The following TAFA5 variants were observed in gnomAD, a reference collection of about 807,000 sequenced individuals.
The protein encoded by TAFA5 is chemokine-like protein TAFA-5.
Under a neutral mutation model 15.3 loss-of-function variants are expected in TAFA5, and 6 were observed. The ratio of observed to expected loss-of-function variants is 0.39; its 90% CI spans 0.21 to 0.77. The LOEUF (loss-of-function observed/expected upper bound fraction) is 0.77, where lower values mean the gene tolerates loss of function less well. TAFA5 is among the 30% of genes least tolerant of loss of function. TAFA5 has a pLI of 0.41. For missense variants in TAFA5, 161 were observed against 193.1 expected (o/e 0.83, Z 0.98); for synonymous variants, 103 against 80.7 (o/e 1.28, Z -1.48).
At chr22:48,732,273 G>T (rs986778074) in intron 3 of TAFA5, among the ~76,000 whole-genome samples, 7 of 100,402 alleles carry the variant, frequency 7.0e-5, no homozygotes, top group Admixed American at 2.1e-4. Flanking sequence ...TTTCTGAGAC[G>T]GAGTCTTGCT....
At chr22:48,557,369 G>A (rs575975205) in intron 1 of TAFA5, among the ~76,000 whole-genome samples, 9 of 152,284 alleles carry the variant, frequency 5.9e-5, no homozygotes, top group African/African-American at 9.6e-5. Flanking sequence ...TGAGGAGGGC[G>A]GCGCCGGGAG....
rs537359563 is a variant in TAFA5, at chr22:48,618,072, C to T, written c.113-28525C>T. ...TGTGGCGCCAGGCTCTGTGTGGACA[C>T]GGAGGTTAACAGCAGGAAGCACTGG... is the stretch of plus-strand genomic sequence containing the variant. On this transcript the variant is annotated intron_variant, in intron 1 of 3. Transcript: ENST00000402357. Among the ~76,000 whole-genome samples the T allele has an allele frequency of 3.9e-5, 6 of 152,302 alleles. No homozygotes were observed. In the South Asian group the frequency reaches 8.3e-4, roughly 21 times the overall value.
At chr22:48,718,479 C>G (rs1929471965) in intron 3 of TAFA5, among the ~76,000 whole-genome samples, 1 of 152,114 alleles carries the variant, frequency 6.6e-6, no homozygotes, top group South Asian at 2.1e-4. Flanking sequence ...AGGACATGGG[C>G]CTGGCAGACC....
intron 2 of TAFA5, among the ~76,000 whole-genome samples, chr22:48,678,925 TCCCC>T (rs1928068756): frequency 6.6e-6 from 1 of 151,848 alleles, no homozygotes; most frequent in Non-Finnish European, 1.5e-5. Context: ...GCTCCCCAGC[TCCCC>T]GTCCATCCGT....
Position 48,490,778 on chromosome 22 carries a change from C to CACAAA in TAFA5, c.112+1075_112+1076insCAAAA, listed in dbSNP as rs1555921881. On this transcript the variant is annotated intron_variant, in intron 1 of 3. Coordinates refer to ENST00000402357, the MANE Select transcript of TAFA5 (RefSeq NM_001082967.3). The surrounding 1 kb of genome is among the most constrained non-coding windows in gnomAD (Gnocchi z 5.8). ...GTGATGGAAAAATATGGATTCTTTA[C>CACAAA]AAAAAAAAAAAAAAAAGGCCAGCAC... Among the ~76,000 whole-genome samples the CACAAA allele has an allele frequency of 1.4e-4, 12 of 83,506 alleles. No individual in the cohort carries two copies. The East Asian group carries it at 4.3e-3, about 30-fold the overall frequency. The allele number at this position is 83,506 out of a possible 152,430, so 54.8% of individuals were successfully genotyped here.
rs1291710449 is a variant in TAFA5, at chr22:48,709,937, GT to G, written c.390+2098del. On this transcript the variant is annotated intron_variant, in intron 3 of 3. Transcript: ENST00000402357. ...AGGCTGCTGGCATCATCACATTTTG[GT>G]TTTTGGTAATTTATTGGGCTGAAAT... Among the ~76,000 whole-genome samples the G allele has an allele frequency of 3.9e-5, 6 of 152,334 alleles. No individual in the cohort carries two copies. In the East Asian group the frequency reaches 1.2e-3, roughly 29 times the overall value.
intron 2 of TAFA5, among the ~76,000 whole-genome samples, chr22:48,697,672 G>A (rs1261635904): frequency 6.6e-6 from 1 of 151,318 alleles, no homozygotes; most frequent in African/African-American, 2.4e-5. Context: ...TAGTGCTAAT[G>A]GTGATAATGT....
intron 3 of TAFA5, among the ~76,000 whole-genome samples, chr22:48,749,612 C>T (rs1364296643): frequency 1.3e-5 from 2 of 152,162 alleles, no homozygotes; most frequent in Non-Finnish European, 2.9e-5. Flanking sequence ...CCCTCCAGGT[C>T]GTGCACAGAG....
At chr22:48,693,154 C>A in intron 2 of TAFA5, 1 of 794,318 alleles carries the variant, frequency 1.3e-6, no homozygotes, top group Non-Finnish European at 2.0e-6. Flanking sequence ...CGAGTCGAAG[C>A]CTCTGCTGGA....
chr22:48,585,682 CAT>C (rs913165508), intron 1 of TAFA5, among the ~76,000 whole-genome samples: 1 of 151,594 alleles, frequency 6.6e-6, no homozygotes, highest in Non-Finnish European at 1.5e-5. Context: ...ACACCACAAA[CAT>C]ACACAACGTA....
At chr22:48,684,086 G>A (rs1338594348) in intron 2 of TAFA5, among the ~76,000 whole-genome samples, 1 of 152,146 alleles carries the variant, frequency 6.6e-6, no homozygotes, top group African/African-American at 2.4e-5. Flanking sequence ...TCAGTTTTAT[G>A]ATTTTCCCAA....
intron 3 of TAFA5, among the ~76,000 whole-genome samples, chr22:48,746,897 C>T (rs1046244393): frequency 6.0e-4 from 92 of 152,302 alleles, no homozygotes; most frequent in South Asian, 2.1e-4. Flanking sequence ...CATCCTCAGG[C>T]AGCTCACCAG....
intron 1 of TAFA5, among the ~76,000 whole-genome samples, chr22:48,492,895 A>T (rs74995468): frequency 0.039 from 5,971 of 152,254 alleles, 198 homozygotes; most frequent in African/African-American, 0.091. Context: ...AAGAGTTGAT[A>T]TAGGTTGTTT....
At chr22:48,581,930 A>G (rs549778401) in intron 1 of TAFA5, among the ~76,000 whole-genome samples, 65 of 152,236 alleles carry the variant, frequency 4.3e-4, no homozygotes, top group African/African-American at 1.5e-3. Flanking sequence ...CTGCACTGCG[A>G]TCTGAGCAGA....
chr22:48,721,653 T>C (rs1929572783), intron 3 of TAFA5, among the ~76,000 whole-genome samples: 1 of 152,238 alleles, frequency 6.6e-6, no homozygotes. Flanking sequence ...GATGAACTTA[T>C]TCCTTCCTGA....
intron 2 of TAFA5, among the ~76,000 whole-genome samples, chr22:48,677,413 A>G (rs1332703946): frequency 6.6e-6 from 1 of 152,190 alleles, no homozygotes; most frequent in African/African-American, 2.4e-5. Context: ...GGGCCACGCG[A>G]TTGCAGAAGG....
In TAFA5 at chr22:48,515,659, T is replaced by G. The variant is rs368347756; in HGVS notation, c.112+25955T>G. Among the ~76,000 whole-genome samples, 231 of 152,256 alleles carry G rather than the reference T, an allele frequency of 1.5e-3. 2 individuals carry two copies. The highest frequency in any genetic ancestry group is 5.4e-3 in the African/African-American group (224 of 41,558). On this transcript the variant is annotated intron_variant, in intron 1 of 3. Transcript: ENST00000402357. Reference sequence around the variant, plus strand: ...TCCAAGGGCACCCCTGAGGCCTCATTGCACCCGGCCCTGCTGCATCCAATG... The same window carrying G: ...TCCAAGGGCACCCCTGAGGCCTCATGGCACCCGGCCCTGCTGCATCCAATG...
intron 1 of TAFA5, among the ~76,000 whole-genome samples, chr22:48,642,334 C>T (rs1310415097): frequency 6.6e-6 from 1 of 152,172 alleles, no homozygotes; most frequent in African/African-American, 2.4e-5. Context: ...CGGGTCTACC[C>T]TGTACCTCCA....
At chr22:48,510,434 G>T (rs1259710026) in intron 1 of TAFA5, among the ~76,000 whole-genome samples, 1 of 152,230 alleles carries the variant, frequency 6.6e-6, no homozygotes, top group Non-Finnish European at 1.5e-5. Context: ...GTTCACCATG[G>T]CTCTTTGGTT....
Sources: allele counts gnomAD v4.1 joint callset (sites outside exome capture counted in the v4.1 genomes callset), GRCh38; gene constraint gnomAD v4.1.1; non-coding constraint Gnocchi (gnomAD v3.1); transcripts MANE v1.5; gene names NCBI Gene and HGNC (gene_info 2026-07-23, HGNC 2026-07-21).